Variants in FANCM observed in about 807,000 individuals in gnomAD.
The protein encoded by FANCM is FA complementation group M.
Under a neutral mutation model 199.5 loss-of-function variants are expected in FANCM, and 140 were observed. The observed-to-expected ratio is 0.70, with a 90% CI of 0.61 to 0.81. The LOEUF (loss-of-function observed/expected upper bound fraction) is 0.81, where lower values mean the gene tolerates loss of function less well. FANCM is among the 30% of genes least tolerant of loss of function. The pLI is 0.00. For missense variants in FANCM, 2,410 were observed against 2,421.4 expected (o/e 1.00, Z 0.10); for synonymous variants, 840 against 836.8 (o/e 1.00, Z -0.07).
At chr14:45,178,999 G>T (rs1888887246) in intron 14 of FANCM, among the ~76,000 whole-genome samples, 1 of 152,070 alleles carries the variant, frequency 6.6e-6, no homozygotes. Context: ...AGGAGTTTGA[G>T]ACCAGCCTGG....
At chr14:45,185,739 GGAAA>G (rs1190937904) in intron 18 of FANCM, among the ~76,000 whole-genome samples, 1 of 152,038 alleles carries the variant, frequency 6.6e-6, no homozygotes, top group African/African-American at 2.4e-5. Flanking sequence ...ACATTCAAAT[GGAAA>G]GAGACAGACA....
At chr14:45,168,827 A>C (rs543612105) in intron 11 of FANCM, among the ~76,000 whole-genome samples, 2 of 148,180 alleles carry the variant, frequency 1.3e-5, no homozygotes, top group South Asian at 4.2e-4. Flanking sequence ...TACTATATAT[A>C]GTATATGTAG....
rs1216204482 is a variant in FANCM, at chr14:45,176,645, A to G, written c.3891A>G (p.Pro1297=). Residue 1297 remains proline, a synonymous_variant, in exon 14 of 23, where the codon CCA becomes CCG. Transcript: ENST00000267430. ...KNFTSGTVII[P]SNEDMQNPNY... is the part of the protein sequence containing the mutation. ...TTACTAGTGGAACTGTTATTATCCC[A>G]TCAAATGAAGATATGCAGAATCCAA... 2.5e-6 allele frequency: 4 copies of G among 1,613,592 alleles called. No individual in the cohort carries two copies. In the African/African-American group the frequency reaches 4.0e-5, roughly 16 times the overall value.
rs200644561 is a variant in FANCM at position 45,137,253 on chromosome 14, G to T, written c.681+12G>T. On this transcript the variant is annotated intron_variant, in intron 2 of 22. Transcript: ENST00000267430. ...ATGCTTATTGCCAGGTAATAATTTT[G>T]TTAAACGGTATTTTGTATTGTAACT... 6.2e-7 allele frequency: 1 copy of T among 1,607,664 alleles called. No homozygotes were observed. Among genetic ancestry groups the T allele is most frequent in the Non-Finnish European group, 8.5e-7 (1 of 1,178,258 alleles).
intron 14 of FANCM, among the ~76,000 whole-genome samples, chr14:45,178,590 C>T (rs1566769052): frequency 6.6e-6 from 1 of 152,016 alleles, no homozygotes; most frequent in Non-Finnish European, 1.5e-5. Context: ...AAAAGAAAGC[C>T]TCCTAGAATG....
intron 3 of FANCM, among the ~76,000 whole-genome samples, chr14:45,144,709 C>T (rs2139134622): frequency 6.6e-6 from 1 of 152,262 alleles, no homozygotes; most frequent in South Asian, 2.1e-4. Flanking sequence ...CTGAATGCTG[C>T]CAGGCCTGGG....
At chr14:45,162,010 G>A (rs1306409913) in intron 9 of FANCM, among the ~76,000 whole-genome samples, 1 of 152,164 alleles carries the variant, frequency 6.6e-6, no homozygotes, top group African/African-American at 2.4e-5. Context: ...TGAGATAAAG[G>A]CATATGAAGT....
chr14:45,198,362 A>G, intron 21 of FANCM: 1 of 239,820 alleles, frequency 4.2e-6, no homozygotes, highest in Non-Finnish European at 8.1e-6. Flanking sequence ...AAAACTAGAG[A>G]TGAGTAATAC....
At chr14:45,146,000 A>G (rs1886343211) in intron 3 of FANCM, among the ~76,000 whole-genome samples, 1 of 146,894 alleles carries the variant, frequency 6.8e-6, no homozygotes, top group South Asian at 2.2e-4. Flanking sequence ...CGGAGCTTGC[A>G]GTGAGCCGAG....
chr14:45,137,362 TATCTC>T (rs1336302953), intron 2 of FANCM, 121 bp downstream of exon 2: 4 of 777,392 alleles, frequency 5.1e-6, no homozygotes, highest in Non-Finnish European at 8.7e-6. Flanking sequence ...TTACGTCTAT[TATCTC>T]AGAACAGATG....
In FANCM at chr14:45,164,387, A is replaced by G. The variant is rs1245483261; in HGVS notation, c.1610A>G (p.Tyr537Cys). 6.2e-7 allele frequency: 1 copy of G among 1,613,114 alleles called. No individual in the cohort carries two copies. The highest frequency in any genetic ancestry group is 8.5e-7 in the Non-Finnish European group (1 of 1,179,868). The change falls in exon 10 of 23, where the codon TAC becomes TGC. Residue 537 changes from tyrosine to cysteine, a missense_variant. Transcript: ENST00000267430. ...EVVKQFRDGG[Y>C]NTLVSTCVGE... ...GTGAAACAGTTTCGTGACGGTGGTTACAACACGCTGGTTTCTACCTGTGTG... is the reference window on the plus strand; with the variant it reads ...GTGAAACAGTTTCGTGACGGTGGTTGCAACACGCTGGTTTCTACCTGTGTG...
At chr14:45,138,352 C>A (rs1177627470) in intron 2 of FANCM, among the ~76,000 whole-genome samples, 2 of 152,058 alleles carry the variant, frequency 1.3e-5, no homozygotes, top group Non-Finnish European at 1.5e-5. Context: ...ATAGTCATTT[C>A]TTTGGGGACT....
chr14:45,159,076 GTT>G lies in FANCM; in HGVS notation c.1397-16_1397-15del. The G allele has an allele frequency of 1.4e-6, 2 of 1,465,164 alleles. No homozygotes were observed. Among genetic ancestry groups the G allele is most frequent in the Middle Eastern group, 2.1e-4 (1 of 4,652 alleles). 90.8% of individuals were successfully genotyped at this position (1,465,164 alleles called of 1,614,324 possible). A position where few individuals can be genotyped will look rare whatever the true frequency, so the allele number is the denominator to read the frequency against. The stretch of plus-strand genomic sequence containing the variant: ...TGCTTTGTAAAAAGTTGTAATTAAA[GTT>G]TTTATATATATATATAGCTGAAAAC... On this transcript the variant is annotated intron_variant, in intron 8 of 22. Transcript: ENST00000267430.
chr14:45,179,049 A>G (rs942289544), intron 14 of FANCM, among the ~76,000 whole-genome samples: 24 of 151,968 alleles, frequency 1.6e-4, no homozygotes, highest in Non-Finnish European at 2.9e-4. Context: ...AAATACAAAA[A>G]TTAGCCAGGC....
chr14:45,160,743 G>A (rs1566744635), intron 9 of FANCM, among the ~76,000 whole-genome samples: 1 of 151,764 alleles, frequency 6.6e-6, no homozygotes, highest in Middle Eastern at 3.4e-3. Context: ...GGGTTTCACC[G>A]TGTTACCCAG....
At chr14:45,173,000 G>C (rs551861795) in intron 12 of FANCM, 55 bp from the exon 13 acceptor site, 2 of 1,349,234 alleles carry the variant, frequency 1.5e-6, no homozygotes, top group South Asian at 2.4e-5. Flanking sequence ...TTTAAAATTA[G>C]TTTGTGAAAT....
intron 19 of FANCM, 26 bp from the exon 20 acceptor site, chr14:45,188,775 TA>T (rs762086456): frequency 2.0e-6 from 3 of 1,498,016 alleles, no homozygotes; most frequent in Non-Finnish European, 2.8e-6. Flanking sequence ...GAAATAAATA[TA>T]AAACATTCTT....
chr14:45,165,471 C>G (rs1255280175), intron 10 of FANCM, among the ~76,000 whole-genome samples: 1 of 152,112 alleles, frequency 6.6e-6, no homozygotes, highest in Non-Finnish European at 1.5e-5. Flanking sequence ...TCGCTTGAAC[C>G]TGGGAGGTAG....
At position 45,135,963 on chromosome 14, in the gene FANCM, C is replaced by A; in HGVS notation, c.-69C>A. 1 of 1,547,884 alleles carries A rather than the reference C, an allele frequency of 6.5e-7. No individual in the cohort carries two copies. The highest frequency in any genetic ancestry group is 8.9e-7 in the Non-Finnish European group (1 of 1,123,818). ...TTGTGCGAAGGAAACCGATGGGGAT[C>A]GGAACCGTAGCGGTTGAGCTGCTGC... On this transcript the variant is annotated 5_prime_UTR_variant, in exon 1 of 23. Coordinates refer to ENST00000267430, the MANE Select transcript of FANCM (RefSeq NM_020937.4).
Sources: allele counts gnomAD v4.1 joint callset (sites outside exome capture counted in the v4.1 genomes callset), GRCh38; gene constraint gnomAD v4.1.1; transcripts MANE v1.5; gene names NCBI Gene and HGNC (gene_info 2026-07-23, HGNC 2026-07-21).